MAPKBP1: variants seen among roughly 807,000 people sequenced by gnomAD.
MAPKBP1 encodes the protein mitogen-activated protein kinase binding protein 1, also known as mitogen-activated protein kinase-binding protein 1.
Under a neutral mutation model 170.5 loss-of-function variants are expected in MAPKBP1, and 71 were observed. That is an observed-to-expected ratio of 0.42 (90% CI 0.34 to 0.51). MAPKBP1 has a LOEUF of 0.51. MAPKBP1 is among the 20% of genes least tolerant of loss of function. The pLI, the probability that MAPKBP1 is intolerant of heterozygous loss-of-function variation, is 0.06. For missense variants in MAPKBP1, 1,598 were observed against 1,933.0 expected (o/e 0.83, Z 3.25); for synonymous variants, 719 against 757.9 (o/e 0.95, Z 0.84).
In MAPKBP1 at chr15:41,813,371, C is replaced by T. The variant is rs376259892; in HGVS notation, c.820-250C>T. On this transcript the variant is annotated intron_variant, in intron 8 of 30. Transcript: ENST00000457542. ...CAGTAAGTGGTGCCTGCACCTTCCT[C>T]TCTTTCTCATGCTATTTCTTTCTCT... 5 of 1,524,302 alleles carry T rather than the reference C, an allele frequency of 3.3e-6. No homozygotes were observed. The African/African-American group carries it at 6.9e-5, about 21-fold the overall frequency. The allele number at this position is 1,524,302 out of a possible 1,614,324, so 94.4% of individuals were successfully genotyped here. A position where few individuals can be genotyped will look rare whatever the true frequency, so the allele number is the denominator to read the frequency against.
In MAPKBP1 at chr15:41,810,905, C is replaced by T; in HGVS notation, c.229C>T (p.Pro77Ser). The T allele has an allele frequency of 6.2e-7, 1 of 1,614,090 alleles. No individual in the cohort carries two copies. The highest frequency in any genetic ancestry group is 1.1e-5 in the South Asian group (1 of 91,082). The change falls in exon 4 of 31, where the codon CCC (proline) becomes TCC (serine). Residue 77 changes from proline (P) to serine (S), a missense_variant. Coordinates refer to ENST00000457542, the MANE Select transcript of MAPKBP1 (RefSeq NM_014994.3). Reference protein sequence around the residue: ...PAGCVVVLFNPRKHKQHHILN... With the variant: ...PAGCVVVLFNSRKHKQHHILN... ...CAGGTGTGTGGTTGTGTTGTTCAAT[C>T]CCCGGAAACACAAACAGCACCACAT...
rs765498237 is a variant in MAPKBP1, at chr15:41,813,010, A to G, written c.728A>G (p.Lys243Arg). 6 of 1,614,128 alleles carry G rather than the reference A, an allele frequency of 3.7e-6. No individual in the cohort carries two copies. In the Admixed American group the frequency reaches 1.0e-4, roughly 27 times the overall value. ...LFTDVACGRG[K>R]KADSTFCITS... ...ACTGATGTGGCCTGTGGCAGAGGAAAAAAGGCGGACAGTACCTTCTGCATC... is the reference window on the plus strand; with the variant it reads ...ACTGATGTGGCCTGTGGCAGAGGAAGAAAGGCGGACAGTACCTTCTGCATC... Residue 243 changes from lysine to arginine, a missense_variant, in exon 8 of 31, where the codon AAA (lysine) becomes AGA (arginine). Physicochemically the swap from Lys to Arg is conservative, Grantham distance 26. Around this residue, in one of 6 missense-constraint regions of MAPKBP1, gnomAD observed 430 missense variants for 617.2 expected, o/e 0.70. Transcript: ENST00000457542.
chr15:41,799,974 G>T, intron 3 of MAPKBP1, 60 bp downstream of exon 3: 1 of 1,385,202 alleles, frequency 7.2e-7, no homozygotes, highest in South Asian at 1.2e-5. Context: ...CGCTAGAGCA[G>T]TTGGGATGGG....
chr15:41,822,016 A>C lies in MAPKBP1; in HGVS notation c.2937A>C (p.Pro979=), dbSNP rs1399789194. The change falls in exon 25 of 31, where the codon CCA becomes CCC. Residue 979 remains proline, a synonymous_variant. Transcript: ENST00000457542. ...PARGTLGRVY[P]GSRSSEKHSP... is the part of the protein sequence containing the mutation. ...GGGGAACTCTGGGAAGAGTGTACCC[A>C]GGCAGCAGGAGCTCAGAAAAGCACA... is the stretch of plus-strand genomic sequence containing the variant. 6.2e-7 allele frequency: 1 copy of C among 1,610,080 alleles called. No homozygotes were observed. The highest frequency in any genetic ancestry group is 1.7e-5 in the Admixed American group (1 of 59,672).
chr15:41,810,698 A>T (rs1419076084), intron 3 of MAPKBP1, 185 bp from the exon 4 acceptor site: 132 of 564,582 alleles, frequency 2.3e-4, no homozygotes, highest in Non-Finnish European at 3.0e-4. Context: ...GGCTGGGATG[A>T]CAGAGTAAGA....
chr15:41,784,569 G>A (rs1336262605), intron 2 of MAPKBP1, among the ~76,000 whole-genome samples: 2 of 151,634 alleles, frequency 1.3e-5, no homozygotes, highest in Non-Finnish European at 2.9e-5. Context: ...GGATCACAAG[G>A]TCAAGAGATC....
chr15:41,781,958 T>C (rs1442846958), intron 2 of MAPKBP1, among the ~76,000 whole-genome samples: 1 of 152,050 alleles, frequency 6.6e-6, no homozygotes, highest in Non-Finnish European at 1.5e-5. Context: ...TAAAAAATTA[T>C]GAAATACAGG....
In MAPKBP1 at chr15:41,824,533, C is replaced by T. The variant is rs779398592; in HGVS notation, c.4263C>T (p.Arg1421=). 29 of 1,602,888 alleles carry T rather than the reference C, an allele frequency of 1.8e-5. No homozygotes were observed. The highest frequency in any genetic ancestry group is 1.7e-4 in the Admixed American group (10 of 58,926). The change falls in exon 30 of 31, where the codon CGC becomes CGT. Residue 1421 remains arginine (R), a synonymous_variant. Transcript: ENST00000457542. ...GTGAGCAGCTGGTGGCAGAGCTCCG[C>T]GGCAGCGTGCGCCAGGCAGTGCGGC... ...EQCEQLVAEL[R]GSVRQAVRLY...
At chr15:41,794,627 T>C (rs1207048265) in intron 2 of MAPKBP1, among the ~76,000 whole-genome samples, 1 of 152,164 alleles carries the variant, frequency 6.6e-6, no homozygotes, top group African/African-American at 2.4e-5. Flanking sequence ...TACCCCAGTT[T>C]TCCTGGGCTT....
intron 3 of MAPKBP1, among the ~76,000 whole-genome samples, chr15:41,809,057 G>A (rs898841959): frequency 1.5e-5 from 2 of 136,722 alleles, no homozygotes; most frequent in African/African-American, 5.6e-5. Context: ...CTGGGTGACA[G>A]AGCGAGACCC....
intron 2 of MAPKBP1, among the ~76,000 whole-genome samples, chr15:41,780,627 G>C (rs991605799): frequency 1.3e-5 from 2 of 152,188 alleles, no homozygotes; most frequent in South Asian, 4.1e-4. Flanking sequence ...ATTGTTTAAT[G>C]CAGGACAAAG....
chr15:41,811,482 G>A (rs780112031), intron 5 of MAPKBP1: 94 of 690,332 alleles, frequency 1.4e-4, no homozygotes, highest in Middle Eastern at 2.3e-4. Flanking sequence ...TGGGATGGGA[G>A]TCTGAAATGT....
Position 41,823,505 on chromosome 15 carries a change from C to G in MAPKBP1, c.3657C>G (p.Ile1219Met), listed in dbSNP as rs761812970. Reference protein sequence around the residue: ...PSPGALLSREIEAQDGLGSLP... With the variant: ...PSPGALLSREMEAQDGLGSLP... ...CAGGCGCACTGCTGTCTCGGGAGAT[C>G]GAAGCTCAGGATGGTCTGGGCTCCC... is the stretch of plus-strand genomic sequence containing the variant. Residue 1219 changes from isoleucine to methionine, a missense_variant, in exon 29 of 31, where the codon ATC becomes ATG. By Grantham distance (10) the Ile-to-Met change is conservative. Coordinates refer to ENST00000457542, the MANE Select transcript of MAPKBP1 (RefSeq NM_014994.3). 1.2e-6 allele frequency: 2 copies of G among 1,614,082 alleles called. No individual in the cohort carries two copies. The highest frequency in any genetic ancestry group is 1.7e-6 in the Non-Finnish European group (2 of 1,180,002).
chr15:41,785,929 G>A (rs1395596836), intron 2 of MAPKBP1, among the ~76,000 whole-genome samples: 1 of 152,184 alleles, frequency 6.6e-6, no homozygotes, highest in Non-Finnish European at 1.5e-5. Flanking sequence ...GCACGAAGGT[G>A]TATCTAATTG....
intron 2 of MAPKBP1, among the ~76,000 whole-genome samples, chr15:41,790,503 T>C (rs1335995336): frequency 1.3e-5 from 2 of 152,244 alleles, no homozygotes; most frequent in East Asian, 3.8e-4. Flanking sequence ...CCAGGGGCTG[T>C]GGCTAGCGGC....
chr15:41,810,799 G>A, intron 3 of MAPKBP1, 84 bp from the exon 4 acceptor site: 3 of 1,074,854 alleles, frequency 2.8e-6, no homozygotes, highest in Non-Finnish European at 1.4e-6. Context: ...CCTCTGCCGG[G>A]TGACTGGAAG....
At chr15:41,778,622 T>C (rs190725505) in intron 2 of MAPKBP1, among the ~76,000 whole-genome samples, 49 of 152,370 alleles carry the variant, frequency 3.2e-4, no homozygotes, top group Non-Finnish European at 4.4e-4. Context: ...CTTGAAGTTA[T>C]CAGTAAATAC....
rs1277825677 is a variant in MAPKBP1, at chr15:41,786,775, AAAAT to A, written c.114+11388_114+11391del. On this transcript the variant is annotated intron_variant, in intron 2 of 30. Coordinates refer to ENST00000457542, the MANE Select transcript of MAPKBP1 (RefSeq NM_014994.3). The stretch of plus-strand genomic sequence containing the variant: ...GCCAGACTCCGTCTAAAAAAAAAAA[AAAAT>A]ATATATATATATATATATATATATA... 1.1e-3 allele frequency among the ~76,000 whole-genome samples: 14 copies of A among 12,458 alleles called. No individual in the cohort carries two copies. In the East Asian group the frequency reaches 0.032, roughly 29 times the overall value. 8.2% of individuals were successfully genotyped at this position (12,458 alleles called of 152,430 possible). A position where few individuals can be genotyped will look rare whatever the true frequency, so the allele number is the denominator to read the frequency against.
chr15:41,796,285 G>C (rs546801902), intron 2 of MAPKBP1, among the ~76,000 whole-genome samples: 1 of 152,132 alleles, frequency 6.6e-6, no homozygotes, highest in Non-Finnish European at 1.5e-5. Flanking sequence ...GTGTTTGCAG[G>C]GGATGTTCAA....
Sources: gnomAD v4.1 joint callset for allele counts (sites outside exome capture counted in the v4.1 genomes callset) on GRCh38, gnomAD v4.1.1 for gene constraint, gnomAD v4.1.1 regional missense constraint, MANE v1.5 for transcripts, NCBI Gene and HGNC (gene_info 2026-07-23, HGNC 2026-07-21) for gene names.